SPON1: variants seen among roughly 807,000 people sequenced by gnomAD.
SPON1 encodes the protein spondin-1.
SPON1 carries 52 observed loss-of-function variants against 111.7 expected under a neutral mutation model. The observed-to-expected ratio is 0.47, with a 90% CI of 0.37 to 0.59. The LOEUF is 0.59. SPON1 is among the 20% of genes least tolerant of loss of function. SPON1 has a pLI of 0.00. For missense variants in SPON1, 957 were observed against 1,068.5 expected (o/e 0.90, Z 1.46); for synonymous variants, 410 against 395.8 (o/e 1.04, Z -0.43).
chr11:14,021,240 A>G lies in SPON1; in HGVS notation c.346-20281A>G, dbSNP rs1479242245. On this transcript the variant is annotated intron_variant, in intron 2 of 15. Transcript: ENST00000576479. ...CCATTTCTGTTTTGTTCACCACAGT[A>G]TATCATAATATCTGGCATATTACAA... Among the ~76,000 whole-genome samples the G allele has an allele frequency of 3.9e-5, 6 of 152,130 alleles. No homozygotes were observed. The East Asian group carries it at 1.2e-3, about 29-fold the overall frequency.
chr11:14,259,274 T>C lies in SPON1; in HGVS notation c.1493-6T>C. 6.2e-7 allele frequency: 1 copy of C among 1,608,568 alleles called. No individual in the cohort carries two copies. The highest frequency in any genetic ancestry group is 8.5e-7 in the Non-Finnish European group (1 of 1,177,944). Reference sequence around the variant, plus strand: ...ACTGCTGCAGCGTTCACTCGGTGTGTTGCAGACGGCTCCACCTGCACCATG... The same window carrying C: ...ACTGCTGCAGCGTTCACTCGGTGTGCTGCAGACGGCTCCACCTGCACCATG... On this transcript the variant is annotated splice_polypyrimidine_tract_variant and splice_region_variant and intron_variant, in intron 11 of 15. Coordinates refer to ENST00000576479, the MANE Select transcript of SPON1 (RefSeq NM_006108.4). The surrounding 1 kb of genome is among the most constrained non-coding windows in gnomAD (Gnocchi z 5.0).
intron 2 of SPON1, among the ~76,000 whole-genome samples, chr11:14,036,496 C>T (rs1334567875): frequency 2.6e-5 from 4 of 152,058 alleles, no homozygotes; most frequent in East Asian, 1.9e-4. Flanking sequence ...AGAGGAAAGA[C>T]GGTTAATGGT....
chr11:14,076,908 G>C (rs1336825397), intron 4 of SPON1, among the ~76,000 whole-genome samples: 1 of 152,198 alleles, frequency 6.6e-6, no homozygotes, highest in Non-Finnish European at 1.5e-5. Flanking sequence ...GTCTTCTGAG[G>C]CTTTTCTTTT....
At chr11:14,148,777 G>A (rs911195621) in intron 6 of SPON1, among the ~76,000 whole-genome samples, 1 of 152,210 alleles carries the variant, frequency 6.6e-6, no homozygotes, top group South Asian at 2.1e-4. Flanking sequence ...TACTCCTCCA[G>A]TGTACTGAAA....
intron 6 of SPON1, among the ~76,000 whole-genome samples, chr11:14,149,592 TCAC>T (rs1847764613): frequency 6.6e-6 from 1 of 152,206 alleles, no homozygotes; most frequent in Non-Finnish European, 1.5e-5. Flanking sequence ...CACTCACCAC[TCAC>T]TGACTGACAC....
At chr11:14,263,639 G>A (rs1332244542) in intron 15 of SPON1, among the ~76,000 whole-genome samples, 2 of 152,194 alleles carry the variant, frequency 1.3e-5, no homozygotes, top group Non-Finnish European at 2.9e-5. Context: ...GCTGAGGAAT[G>A]AGCATCATCT....
At chr11:14,004,761 A>T (rs1848346125) in intron 2 of SPON1, among the ~76,000 whole-genome samples, 1 of 152,032 alleles carries the variant, frequency 6.6e-6, no homozygotes, top group South Asian at 2.1e-4. Flanking sequence ...TGTGAAATGC[A>T]GTTTTTTGTT....
intron 3 of SPON1, among the ~76,000 whole-genome samples, chr11:14,064,665 G>A (rs1292080576): frequency 6.6e-6 from 1 of 152,134 alleles, no homozygotes; most frequent in Middle Eastern, 3.2e-3. Flanking sequence ...GTAGAGGTTG[G>A]GGGTGGGATA....
At chr11:14,231,805 TA>T (rs1157700129) in intron 6 of SPON1, among the ~76,000 whole-genome samples, 31 of 149,768 alleles carry the variant, frequency 2.1e-4, no homozygotes, top group East Asian at 5.9e-4. Flanking sequence ...CAGCAATGTC[TA>T]AAAAAAAAAG....
intron 6 of SPON1, among the ~76,000 whole-genome samples, chr11:14,204,973 C>T (rs960344097): frequency 6.6e-5 from 10 of 152,138 alleles, no homozygotes; most frequent in African/African-American, 2.4e-4. Flanking sequence ...AGGCGTGAGC[C>T]ACCGCGCCTG....
At chr11:14,141,025 C>CCG (rs1847648989) in intron 6 of SPON1, among the ~76,000 whole-genome samples, 1 of 125,562 alleles carries the variant, frequency 8.0e-6, no homozygotes, top group African/African-American at 2.8e-5. Flanking sequence ...AGGCGTGCCC[C>CCG]CCCCATGCCC....
At chr11:14,050,113 A>G (rs1342208486) in intron 3 of SPON1, among the ~76,000 whole-genome samples, 1 of 152,220 alleles carries the variant, frequency 6.6e-6, no homozygotes, top group African/African-American at 2.4e-5. Flanking sequence ...ACCTATTCCC[A>G]GCTGCAGCTG....
intron 6 of SPON1, among the ~76,000 whole-genome samples, chr11:14,227,292 C>T (rs1286735619): frequency 6.6e-6 from 1 of 151,188 alleles, no homozygotes; most frequent in African/African-American, 2.4e-5. Context: ...ACTTCAGGCA[C>T]AAGCCACTAC....
intron 3 of SPON1, among the ~76,000 whole-genome samples, chr11:14,064,233 A>C (rs1848813741): frequency 6.6e-6 from 1 of 152,240 alleles, no homozygotes; most frequent in Admixed American, 6.5e-5. Flanking sequence ...ACATGCAATA[A>C]ATCAAAGGAT....
At chr11:14,242,635 C>A (rs1456299050) in intron 6 of SPON1, among the ~76,000 whole-genome samples, 1 of 152,232 alleles carries the variant, frequency 6.6e-6, no homozygotes, top group African/African-American at 2.4e-5. Context: ...CAACAAAGTT[C>A]TGATTTTTGC....
intron 6 of SPON1, among the ~76,000 whole-genome samples, chr11:14,173,810 T>C (rs1848139122): frequency 6.6e-6 from 1 of 152,150 alleles, no homozygotes; most frequent in South Asian, 2.1e-4. Flanking sequence ...ACAGCGGATA[T>C]TGGTGAACCG....
At chr11:14,232,181 A>G (rs1414097474) in intron 6 of SPON1, among the ~76,000 whole-genome samples, 2 of 152,014 alleles carry the variant, frequency 1.3e-5, no homozygotes, top group Non-Finnish European at 2.9e-5. Flanking sequence ...AAATTGCAGC[A>G]TAACTCTCTC....
intron 2 of SPON1, among the ~76,000 whole-genome samples, chr11:14,005,445 C>G (rs540184032): frequency 2.0e-5 from 3 of 152,190 alleles, no homozygotes; most frequent in African/African-American, 7.2e-5. Flanking sequence ...TAGACTCATC[C>G]GTTCCATGGC....
chr11:14,021,105 C>G (rs547576955), intron 2 of SPON1, among the ~76,000 whole-genome samples: 1 of 152,068 alleles, frequency 6.6e-6, no homozygotes, highest in South Asian at 2.1e-4. Context: ...AGGTAAAATC[C>G]TGGGCACAAT....
Sources: allele counts gnomAD v4.1 joint callset (sites outside exome capture counted in the v4.1 genomes callset), GRCh38; gene constraint gnomAD v4.1.1; non-coding constraint Gnocchi (gnomAD v3.1); transcripts MANE v1.5; gene names NCBI Gene and HGNC (gene_info 2026-07-23, HGNC 2026-07-21).